Variants in DGKI observed in about 807,000 individuals in gnomAD.
DGKI encodes the protein diacylglycerol kinase iota.
DGKI carries 55 observed loss-of-function variants against 147.5 expected under a neutral mutation model. The ratio of observed to expected loss-of-function variants is 0.37; its 90% confidence interval spans 0.30 to 0.47. The LOEUF (loss-of-function observed/expected upper bound fraction) is 0.47, where lower values mean the gene tolerates loss of function less well. Among genes scored for constraint, DGKI ranks in the 20% least tolerant of loss-of-function variants. The pLI, the probability that DGKI is intolerant of heterozygous loss-of-function variation, is 1.00. For synonymous variants in DGKI, 469 were observed against 477.1 expected, an observed-to-expected ratio of 0.98 and a Z score of 0.22; for missense variants, 1,007 against 1,323.8, an observed-to-expected ratio of 0.76 and a Z score of 3.71.
At chr7:137,536,561 A>C (rs1394257349) in intron 20 of DGKI, among the ~76,000 whole-genome samples, 1 of 152,170 alleles carries the variant, frequency 6.6e-6, no homozygotes, top group Admixed American at 6.6e-5. Flanking sequence ...AGATTTTCTT[A>C]TGATTCTAAG....
At chr7:137,635,008 G>A (rs1216820977) in intron 6 of DGKI, among the ~76,000 whole-genome samples, 1 of 152,228 alleles carries the variant, frequency 6.6e-6, no homozygotes, top group Admixed American at 6.5e-5. Context: ...GAAACAGGAG[G>A]TCTAGGGAAG....
intron 1 of DGKI, among the ~76,000 whole-genome samples, chr7:137,710,399 A>G (rs1794176605): frequency 6.6e-6 from 1 of 152,138 alleles, no homozygotes; most frequent in Admixed American, 6.5e-5. Context: ...TTAACAATTA[A>G]TACAGTGTGG....
At chr7:137,470,132 C>G in intron 23 of DGKI, among the ~76,000 whole-genome samples, 1 of 152,216 alleles carries the variant, frequency 6.6e-6, no homozygotes, top group South Asian at 2.1e-4. Flanking sequence ...GAGGTCATCT[C>G]TAACCTCAGC....
chr7:137,583,623 G>C (rs925364274), intron 14 of DGKI, among the ~76,000 whole-genome samples: 4 of 151,968 alleles, frequency 2.6e-5, no homozygotes, highest in Admixed American at 2.6e-4. Context: ...TATCTGGATT[G>C]GTGTTCCCTG....
intron 20 of DGKI, among the ~76,000 whole-genome samples, chr7:137,545,482 A>AAC (rs56767309): frequency 0.12 from 18,168 of 151,956 alleles, 1,555 homozygotes; most frequent in African/African-American, 0.25. Flanking sequence ...CCAAAACAGA[A>AAC]ACACACACAC....
intron 29 of DGKI, among the ~76,000 whole-genome samples, chr7:137,408,991 G>A (rs1315634051): frequency 6.6e-6 from 1 of 152,166 alleles, no homozygotes; most frequent in Non-Finnish European, 1.5e-5. Flanking sequence ...ATCCCATAAG[G>A]TGAAAGAGCA....
intron 8 of DGKI, among the ~76,000 whole-genome samples, chr7:137,613,628 A>G (rs752225247): frequency 4.6e-5 from 7 of 152,162 alleles, no homozygotes; most frequent in African/African-American, 1.2e-4. Context: ...TTATGAAGAA[A>G]GCTCATACAG....
chr7:137,439,409 G>A (rs934562497), intron 28 of DGKI, among the ~76,000 whole-genome samples: 1 of 152,152 alleles, frequency 6.6e-6, no homozygotes, highest in Admixed American at 6.5e-5. Flanking sequence ...AATCATGGCG[G>A]AAGACGAAGG....
At chr7:137,628,143 T>C (rs1447316708) in intron 6 of DGKI, among the ~76,000 whole-genome samples, 10 of 152,124 alleles carry the variant, frequency 6.6e-5, no homozygotes, top group Admixed American at 1.3e-4. Context: ...CTCAATGATA[T>C]AGGGTGAGTG....
chr7:137,730,760 C>G (rs553273342), intron 1 of DGKI, among the ~76,000 whole-genome samples: 4 of 152,152 alleles, frequency 2.6e-5, no homozygotes, highest in African/African-American at 9.6e-5. Context: ...TTCTGTGCAA[C>G]CTAAAATCAC....
intron 26 of DGKI, among the ~76,000 whole-genome samples, chr7:137,463,885 G>A (rs1452736981): frequency 1.3e-5 from 2 of 152,146 alleles, no homozygotes; most frequent in Admixed American, 6.5e-5. Context: ...TAGACCTAGG[G>A]CAGAAATGCA....
At chr7:137,472,371 T>TATTATATGTATATATACATATA (rs1563040368) in intron 23 of DGKI, among the ~76,000 whole-genome samples, 1 of 28,566 alleles carries the variant, frequency 3.5e-5, no homozygotes, top group African/African-American at 1.3e-4. Context: ...TACATATAAT[T>TATTATATGTATATATACATATA]ATTATATGTA....
chr7:137,615,172 T>C (rs1820486596), intron 8 of DGKI, among the ~76,000 whole-genome samples: 1 of 152,094 alleles, frequency 6.6e-6, no homozygotes. Context: ...GGCCCCTTCC[T>C]CTCACCATCC....
intron 3 of DGKI, among the ~76,000 whole-genome samples, chr7:137,666,131 T>A (rs1822632096): frequency 6.6e-6 from 1 of 152,238 alleles, no homozygotes; most frequent in Non-Finnish European, 1.5e-5. Flanking sequence ...CTCAACAGTT[T>A]ACCCTTAAAC....
chr7:137,675,683 C>CA lies in DGKI; in HGVS notation c.606+2873dup, dbSNP rs61282606. On this transcript the variant is annotated intron_variant, in intron 3 of 32. Transcript: ENST00000614521. ...CTGGGCAGCCGAGCAAGACTACATC[C>CA]AAAAAAAAAAAAAAAAAAAAAAAAT... Among the ~76,000 whole-genome samples the CA allele has an allele frequency of 7.9e-3, 845 of 107,122 alleles. 1 individual carries two copies. The highest frequency in any genetic ancestry group is 0.015 in the Middle Eastern group (3 of 204). The allele number at this position is 107,122 out of a possible 152,430, so 70.3% of individuals were successfully genotyped here.
intron 1 of DGKI, among the ~76,000 whole-genome samples, chr7:137,745,677 C>A (rs1338266518): frequency 6.6e-6 from 1 of 151,924 alleles, no homozygotes; most frequent in Admixed American, 6.6e-5. Flanking sequence ...ATAATGGTTC[C>A]AAAATGCAAG....
chr7:137,405,387 C>A (rs1055021549), intron 30 of DGKI, among the ~76,000 whole-genome samples: 4 of 152,230 alleles, frequency 2.6e-5, no homozygotes, highest in African/African-American at 9.6e-5. Context: ...GGACTATGGG[C>A]CCACCATGCC....
At chr7:137,800,696 T>C (rs554239265) in intron 1 of DGKI, among the ~76,000 whole-genome samples, 31 of 152,204 alleles carry the variant, frequency 2.0e-4, no homozygotes, top group African/African-American at 3.9e-4. Context: ...TTAACAGGTA[T>C]AAAACTAGAC....
intron 6 of DGKI, among the ~76,000 whole-genome samples, chr7:137,634,853 A>G (rs1821255311): frequency 6.6e-6 from 1 of 152,220 alleles, no homozygotes; most frequent in Non-Finnish European, 1.5e-5. Flanking sequence ...GACAGGAATA[A>G]TAAGAAATCC....
Sources: allele counts gnomAD v4.1 joint callset (sites outside exome capture counted in the v4.1 genomes callset), GRCh38; gene constraint gnomAD v4.1.1; transcripts MANE v1.5; gene names NCBI Gene and HGNC (gene_info 2026-07-23, HGNC 2026-07-21).